Variants in EDIL3 observed in about 807,000 individuals in gnomAD.
The protein encoded by EDIL3 is EGF-like repeat and discoidin I-like domain-containing protein 3.
EDIL3 carries 37 observed loss-of-function variants against 67.4 expected under a neutral mutation model. The ratio of observed to expected loss-of-function variants is 0.55; its 90% CI spans 0.42 to 0.72. The LOEUF (loss-of-function observed/expected upper bound fraction) is 0.72. Among genes scored for constraint, EDIL3 ranks in the 30% least tolerant of loss-of-function variants. The probability of loss-of-function intolerance (pLI) is 0.00; values close to 1 mark genes in which losing one functional copy is unlikely to be tolerated. For synonymous variants in EDIL3, 195 were observed against 196.3 expected, an observed-to-expected ratio of 0.99 and a Z score of 0.05; for missense variants, 527 against 586.3, an observed-to-expected ratio of 0.90 and a Z score of 1.04.
intron 9 of EDIL3, among the ~76,000 whole-genome samples, chr5:83,990,602 C>T (rs536624963): frequency 5.6e-4 from 85 of 151,568 alleles, no homozygotes; most frequent in Middle Eastern, 6.8e-3. Flanking sequence ...ATGGGTTGGC[C>T]GGGCACGGTG....
chr5:84,197,317 T>C (rs1252999932), intron 3 of EDIL3, among the ~76,000 whole-genome samples: 4 of 151,972 alleles, frequency 2.6e-5, no homozygotes, highest in Admixed American at 2.0e-4. Flanking sequence ...GGGTATGACA[T>C]CCTAGAGTAA....
intron 3 of EDIL3, among the ~76,000 whole-genome samples, chr5:84,224,170 G>T (rs1744403144): frequency 6.6e-6 from 1 of 151,434 alleles, no homozygotes; most frequent in African/African-American, 2.4e-5. Context: ...TTGTATAGCT[G>T]CAAGATCTCT....
At chr5:84,007,721 T>C (rs574817614) in intron 9 of EDIL3, among the ~76,000 whole-genome samples, 44 of 152,240 alleles carry the variant, frequency 2.9e-4, no homozygotes, top group African/African-American at 1.1e-3. Flanking sequence ...AGTATGGAGA[T>C]TCTTCAAAAA....
intron 2 of EDIL3, among the ~76,000 whole-genome samples, chr5:84,251,485 A>G (rs1745025285): frequency 6.6e-6 from 1 of 151,940 alleles, no homozygotes; most frequent in Non-Finnish European, 1.5e-5. Context: ...TTTGATCCCA[A>G]TATTAGTTTT....
chr5:84,193,505 C>A (rs949862869), intron 3 of EDIL3, among the ~76,000 whole-genome samples: 3 of 151,644 alleles, frequency 2.0e-5, no homozygotes, highest in African/African-American at 7.3e-5. Flanking sequence ...GAGAGTGTGG[C>A]CTGGAGATAC....
intron 3 of EDIL3, among the ~76,000 whole-genome samples, chr5:84,225,963 G>A (rs1407814312): frequency 1.3e-5 from 2 of 151,534 alleles, no homozygotes; most frequent in South Asian, 2.1e-4. Context: ...AGTAAAAAAC[G>A]CTATTTATTG....
intron 9 of EDIL3, among the ~76,000 whole-genome samples, chr5:83,970,256 T>TTATATATATATATATATA (rs60143474): frequency 0.013 from 1,648 of 128,020 alleles, 17 homozygotes; most frequent in Non-Finnish European, 0.017. Flanking sequence ...GTGTCACTAA[T>TTATATATATATATATATA]TATATATATA....
intron 5 of EDIL3, among the ~76,000 whole-genome samples, chr5:84,120,597 T>C (rs913915528): frequency 6.6e-6 from 1 of 152,020 alleles, no homozygotes; most frequent in African/African-American, 2.4e-5. Flanking sequence ...TGTCCATGAC[T>C]AAAAATTCCG....
intron 1 of EDIL3, among the ~76,000 whole-genome samples, chr5:84,317,757 C>G (rs1197222017): frequency 2.0e-5 from 3 of 152,108 alleles, no homozygotes; most frequent in East Asian, 1.9e-4. Flanking sequence ...TGGCACAAGA[C>G]AAGGATGCCC....
chr5:84,247,463 T>C (rs1360738868), intron 2 of EDIL3, among the ~76,000 whole-genome samples: 1 of 152,194 alleles, frequency 6.6e-6, no homozygotes, highest in East Asian at 1.9e-4. Flanking sequence ...AAGATAAACA[T>C]GAATATGGCT....
intron 4 of EDIL3, among the ~76,000 whole-genome samples, chr5:84,179,340 T>G (rs997027375): frequency 2.6e-5 from 4 of 152,210 alleles, no homozygotes; most frequent in Non-Finnish European, 5.9e-5. Context: ...ATTGCTTTGT[T>G]GGTGATCTGA....
chr5:84,163,082 G>A (rs1748642949), intron 4 of EDIL3, among the ~76,000 whole-genome samples: 1 of 152,026 alleles, frequency 6.6e-6, no homozygotes, highest in Admixed American at 6.6e-5. Context: ...CTTGAGCTTT[G>A]TATTTGAGAA....
intron 1 of EDIL3, among the ~76,000 whole-genome samples, chr5:84,312,648 G>A (rs971522223): frequency 6.6e-6 from 1 of 151,462 alleles, no homozygotes; most frequent in African/African-American, 2.4e-5. Flanking sequence ...GCGGCTGGCC[G>A]GGCAGAGGGG....
intron 6 of EDIL3, among the ~76,000 whole-genome samples, chr5:84,076,834 T>C (rs1746866714): frequency 6.6e-6 from 1 of 152,190 alleles, no homozygotes; most frequent in South Asian, 2.1e-4. Flanking sequence ...GGTCTGTCAG[T>C]TGTTCTTTGA....
rs200624847 is a variant in EDIL3 at position 84,329,565 on chromosome 5, A to AAT, written c.67+54741_67+54742dup. Among the ~76,000 whole-genome samples, 974 of 152,178 alleles carry AAT rather than the reference A, an allele frequency of 6.4e-3. 4 individuals are homozygous for AAT. Among genetic ancestry groups the AAT allele is most frequent in the African/African-American group, 0.021 (891 of 41,532 alleles). ...AATTTTGTTGGACGTTAGTCTGTTG[A>AAT]ATATACCACCTGTTGTGTATACTGT... is the stretch of plus-strand genomic sequence containing the variant. On this transcript the variant is annotated intron_variant, in intron 1 of 10. Coordinates refer to ENST00000296591, the MANE Select transcript of EDIL3 (RefSeq NM_005711.5).
At chr5:84,185,352 G>A (rs1050955378) in intron 3 of EDIL3, among the ~76,000 whole-genome samples, 4 of 152,112 alleles carry the variant, frequency 2.6e-5, no homozygotes, top group Non-Finnish European at 4.4e-5. Context: ...CAGTGTATTA[G>A]ATATTAGGAA....
intron 1 of EDIL3, among the ~76,000 whole-genome samples, chr5:84,291,830 C>CACAT (rs536425589): frequency 8.2e-5 from 12 of 145,944 alleles, no homozygotes; most frequent in African/African-American, 2.0e-4. Flanking sequence ...TATACACACA[C>CACAT]ATATATATAT....
intron 5 of EDIL3, among the ~76,000 whole-genome samples, chr5:84,127,977 T>A (rs569828961): frequency 6.6e-6 from 1 of 152,182 alleles, no homozygotes; most frequent in Non-Finnish European, 1.5e-5. Flanking sequence ...AAATTCAATA[T>A]GCCTAAGCAG....
intron 8 of EDIL3, among the ~76,000 whole-genome samples, chr5:84,060,826 C>T (rs1383609636): frequency 6.6e-6 from 1 of 152,140 alleles, no homozygotes; most frequent in African/African-American, 2.4e-5. Context: ...TGACTGCTCC[C>T]CAGTTTTCAA....
Sources: gnomAD v4.1 joint callset for allele counts (sites outside exome capture counted in the v4.1 genomes callset) on GRCh38, gnomAD v4.1.1 for gene constraint, MANE v1.5 for transcripts, NCBI Gene and HGNC (gene_info 2026-07-23, HGNC 2026-07-21) for gene names.